Variants in TENM4 observed in about 807,000 individuals in gnomAD.
TENM4 encodes the protein teneurin-4.
TENM4 carries 82 observed loss-of-function variants against 243.3 expected under a neutral mutation model. The ratio of observed to expected loss-of-function variants is 0.34; its 90% confidence interval spans 0.28 to 0.40. The LOEUF is 0.40. Among genes scored for constraint, TENM4 ranks in the 10% least tolerant of loss-of-function variants. TENM4 has a pLI of 1.00. For synonymous variants in TENM4, 1,412 were observed against 1,456.3 expected (o/e 0.97, Z 0.69); for missense variants, 3,138 against 3,673.3 (o/e 0.85, Z 3.77).
intron 3 of TENM4, among the ~76,000 whole-genome samples, chr11:79,212,489 CTTAATT>C (rs981744436): frequency 1.3e-5 from 2 of 152,096 alleles, no homozygotes; most frequent in Non-Finnish European, 2.9e-5. Flanking sequence ...GACTTAATTG[CTTAATT>C]TTAAATTGTT....
At position 79,110,829 on chromosome 11, in the gene TENM4, C is replaced by T. The variant is rs536669322; in HGVS notation, c.-66+37881G>A. Among the ~76,000 whole-genome samples the T allele has an allele frequency of 2.6e-5, 4 of 152,330 alleles. No homozygotes were observed. The South Asian group carries it at 6.2e-4, about 24-fold the overall frequency. ...TTTGCCGGTAAAGCACCCGACCCTG[C>T]TCTCCCCGGCTAACTTGGACACTTT... On this transcript the variant is annotated intron_variant, in intron 4 of 33. Coordinates refer to ENST00000278550, the MANE Select transcript of TENM4 (RefSeq NM_001098816.3).
At chr11:79,033,171 G>T (rs767504134) in intron 6 of TENM4, among the ~76,000 whole-genome samples, 5 of 151,996 alleles carry the variant, frequency 3.3e-5, no homozygotes, top group African/African-American at 1.2e-4. Flanking sequence ...TAATGAATTT[G>T]TTTATTGGGT....
intron 1 of TENM4, among the ~76,000 whole-genome samples, chr11:79,307,507 G>C (rs1856646166): frequency 6.6e-6 from 1 of 152,024 alleles, no homozygotes; most frequent in Non-Finnish European, 1.5e-5. Flanking sequence ...CACCATCTCT[G>C]TTTCTACTAC....
chr11:78,814,838 C>A (rs1376458237), intron 12 of TENM4, among the ~76,000 whole-genome samples: 2 of 152,196 alleles, frequency 1.3e-5, no homozygotes, highest in East Asian at 3.8e-4. Context: ...TGAGCATTTA[C>A]AAATCTGTCT....
At chr11:78,979,591 G>T (rs1453937254) in intron 6 of TENM4, among the ~76,000 whole-genome samples, 1 of 152,202 alleles carries the variant, frequency 6.6e-6, no homozygotes, top group Non-Finnish European at 1.5e-5. Flanking sequence ...TGTGTCTACA[G>T]CAGTGGGCTG....
At chr11:79,273,717 G>A (rs1011213366) in intron 2 of TENM4, among the ~76,000 whole-genome samples, 2 of 152,158 alleles carry the variant, frequency 1.3e-5, no homozygotes, top group Non-Finnish European at 2.9e-5. Flanking sequence ...CTGAGATCTC[G>A]AGGTTGGCTG....
At position 78,841,575 on chromosome 11, in the gene TENM4, C is replaced by T. The variant is rs1015617616; in HGVS notation, c.1681+12529G>A. ...GGTGTGTCTCCTCCTTTCCTAGGCT[C>T]CTCCTTCTGCCTCTGCCTGCCATTC... On this transcript the variant is annotated intron_variant, in intron 12 of 33. Transcript: ENST00000278550. 9.2e-5 allele frequency among the ~76,000 whole-genome samples: 14 copies of T among 152,218 alleles called. No homozygotes were observed. The East Asian group carries it at 2.7e-3, about 29-fold the overall frequency.
At chr11:79,172,753 C>G (rs1423194204) in intron 3 of TENM4, among the ~76,000 whole-genome samples, 3 of 151,728 alleles carry the variant, frequency 2.0e-5, no homozygotes, top group Non-Finnish European at 4.4e-5. Flanking sequence ...CAACCTCTGC[C>G]TCAACCTTCA....
intron 3 of TENM4, among the ~76,000 whole-genome samples, chr11:79,211,268 C>T (rs559106515): frequency 2.0e-5 from 3 of 152,308 alleles, no homozygotes; most frequent in South Asian, 2.1e-4. Flanking sequence ...AGCAGTGAGG[C>T]GTCATTCCAG....
In TENM4 at chr11:78,820,338, C is replaced by A. The variant is rs1857699869; in HGVS notation, c.1682-5943G>T. 2.0e-5 allele frequency among the ~76,000 whole-genome samples: 3 copies of A among 152,228 alleles called. No individual in the cohort carries two copies. The South Asian group carries it at 6.2e-4, about 32-fold the overall frequency. Reference sequence around the variant, plus strand: ...GGTCACACAGCTGATAGGGGAAAATCTGGTAGGTGAACCTGTCCTATATGC... The same window carrying A: ...GGTCACACAGCTGATAGGGGAAAATATGGTAGGTGAACCTGTCCTATATGC... On this transcript the variant is annotated intron_variant, in intron 12 of 33. Transcript: ENST00000278550.
intron 14 of TENM4, among the ~76,000 whole-genome samples, chr11:78,806,452 C>T (rs1857390083): frequency 6.6e-6 from 1 of 152,144 alleles, no homozygotes; most frequent in African/African-American, 2.4e-5. Context: ...CTCCCAGGGC[C>T]AAGGGTCAAA....
chr11:79,270,255 A>G (rs1855947241), intron 2 of TENM4, among the ~76,000 whole-genome samples: 1 of 152,184 alleles, frequency 6.6e-6, no homozygotes, highest in African/African-American at 2.4e-5. Flanking sequence ...ACTGGCACTT[A>G]GCACTTATGG....
At chr11:79,116,578 T>A (rs193247513) in intron 4 of TENM4, among the ~76,000 whole-genome samples, 17 of 152,340 alleles carry the variant, frequency 1.1e-4, no homozygotes, top group Non-Finnish European at 1.5e-5. Context: ...CTCCCCCAAA[T>A]GAATCTTTAT....
At chr11:79,197,981 C>T (rs1012736741) in intron 3 of TENM4, among the ~76,000 whole-genome samples, 2 of 152,166 alleles carry the variant, frequency 1.3e-5, no homozygotes, top group African/African-American at 4.8e-5. Context: ...CATACCTGGC[C>T]TCTCCCACTC....
chr11:78,988,835 C>T (rs1276250150), intron 6 of TENM4, among the ~76,000 whole-genome samples: 2 of 152,194 alleles, frequency 1.3e-5, no homozygotes, highest in Non-Finnish European at 1.5e-5. Flanking sequence ...CCACCATACC[C>T]GGCTAATTTG....
intron 1 of TENM4, among the ~76,000 whole-genome samples, chr11:79,376,400 C>T (rs543989000): frequency 1.3e-5 from 2 of 152,322 alleles, no homozygotes; most frequent in East Asian, 3.9e-4. Context: ...CATAGCTTTG[C>T]TAATGCTGCT....
At chr11:79,422,797 C>A (rs1023394978) in intron 1 of TENM4, among the ~76,000 whole-genome samples, 1 of 152,166 alleles carries the variant, frequency 6.6e-6, no homozygotes, top group Admixed American at 6.5e-5. Flanking sequence ...GGGGCAGGGA[C>A]TGTGGCCCAG....
At chr11:78,713,325 G>C (rs1355308063) in intron 25 of TENM4, among the ~76,000 whole-genome samples, 1 of 152,116 alleles carries the variant, frequency 6.6e-6, no homozygotes, top group Non-Finnish European at 1.5e-5. Flanking sequence ...GTGAACTGCA[G>C]GATTAGTTTG....
intron 3 of TENM4, among the ~76,000 whole-genome samples, chr11:79,179,879 C>A (rs368344300): frequency 6.6e-6 from 1 of 151,526 alleles, no homozygotes. Flanking sequence ...AACAACCATC[C>A]GATGAAAATG....
Sources: gnomAD v4.1 joint callset for allele counts (sites outside exome capture counted in the v4.1 genomes callset) on GRCh38, gnomAD v4.1.1 for gene constraint, MANE v1.5 for transcripts, NCBI Gene and HGNC (gene_info 2026-07-23, HGNC 2026-07-21) for gene names.